RBM20: variants seen among roughly 807,000 people sequenced by gnomAD.
RBM20 encodes RNA binding motif protein 20.
In RBM20, 51 loss-of-function variants were observed where a neutral mutation model predicts 110.1. The observed-to-expected ratio is 0.46, with a 90% CI of 0.37 to 0.59. The LOEUF (loss-of-function observed/expected upper bound fraction) is 0.59, where lower values mean the gene tolerates loss of function less well. Among genes scored for constraint, RBM20 ranks in the 20% least tolerant of loss-of-function variants. The probability of loss-of-function intolerance (pLI) is 0.00; values close to 1 mark genes in which losing one functional copy is unlikely to be tolerated. For synonymous variants in RBM20, 589 were observed against 618.2 expected (o/e 0.95, Z 0.70); for missense variants, 1,512 against 1,574.9 (o/e 0.96, Z 0.68).
chr10:110,744,298 T>C (rs914860656), intron 1 of RBM20, among the ~76,000 whole-genome samples: 5 of 152,224 alleles, frequency 3.3e-5, no homozygotes, highest in African/African-American at 1.2e-4. Flanking sequence ...GTGACTCTCC[T>C]GGGGCCCTTG....
chr10:110,793,686 C>T (rs1018006163), intron 5 of RBM20, among the ~76,000 whole-genome samples: 2 of 152,204 alleles, frequency 1.3e-5, no homozygotes, highest in African/African-American at 4.8e-5. Flanking sequence ...AGCTTGGCTG[C>T]TGTGATTGGC....
chr10:110,821,783 G>C lies in RBM20; in HGVS notation c.3164G>C (p.Arg1055Thr), dbSNP rs1353580098. 6.4e-7 allele frequency: 1 copy of C among 1,551,652 alleles called. No homozygotes were observed. The highest frequency in any genetic ancestry group is 8.7e-7 in the Non-Finnish European group (1 of 1,147,022). ...TCTTCCCCTAAGCCAGCAGAGGAGA[G>C]GGCCCGGCAGCCAAGCCCATTTGTG... is the stretch of plus-strand genomic sequence containing the variant. ...QMSSPKPAEERARQPSPFVDD... is the reference protein window; with the variant it reads ...QMSSPKPAEETARQPSPFVDD... Residue 1055 changes from arginine (R) to threonine (T), a missense_variant, in exon 11 of 14, where the codon AGG (arginine) becomes ACG (threonine). Physicochemically the swap from Arg to Thr is moderately conservative, Grantham distance 71. Transcript: ENST00000369519.
intron 13 of RBM20, among the ~76,000 whole-genome samples, chr10:110,832,090 G>A (rs924475038): frequency 1.3e-5 from 2 of 152,050 alleles, no homozygotes; most frequent in African/African-American, 4.8e-5. Context: ...AATGAAATAT[G>A]GTAATATGTT....
chr10:110,802,363 C>T (rs1220502190), intron 7 of RBM20, among the ~76,000 whole-genome samples: 5 of 147,680 alleles, frequency 3.4e-5, no homozygotes, highest in Non-Finnish European at 7.4e-5. Context: ...ACTAACAGTT[C>T]TCCTTCAGGC....
At chr10:110,782,154 C>A (rs1007652627) in intron 2 of RBM20, among the ~76,000 whole-genome samples, 1 of 152,182 alleles carries the variant, frequency 6.6e-6, no homozygotes, top group African/African-American at 2.4e-5. Flanking sequence ...GAGCAAAGGA[C>A]CCCACCTGGG....
At position 110,679,133 on chromosome 10, in the gene RBM20, C is replaced by G. The variant is rs151188914; in HGVS notation, c.191+34488C>G. Among the ~76,000 whole-genome samples the G allele has an allele frequency of 8.5e-4, 130 of 152,338 alleles. 1 individual carries two copies. In the East Asian group the frequency reaches 0.025, roughly 29 times the overall value. On this transcript the variant is annotated intron_variant, in intron 1 of 13. Coordinates refer to ENST00000369519, the MANE Select transcript of RBM20 (RefSeq NM_001134363.3). Reference sequence around the variant, plus strand: ...TCCTGTCTTCCTCCCAAGGTTGGCACTAGGATGAAGGCTGTATAAAGTGAT... The same window carrying G: ...TCCTGTCTTCCTCCCAAGGTTGGCAGTAGGATGAAGGCTGTATAAAGTGAT...
chr10:110,835,774 G>A, intron 13 of RBM20, 94 bp from the exon 14 acceptor site: 1 of 1,295,330 alleles, frequency 7.7e-7, no homozygotes, highest in Non-Finnish European at 1.1e-6. Flanking sequence ...ACAGATGCCA[G>A]GAGAGGGATG....
intron 1 of RBM20, among the ~76,000 whole-genome samples, chr10:110,716,768 T>A (rs943769839): frequency 2.6e-5 from 4 of 151,388 alleles, no homozygotes; most frequent in South Asian, 2.1e-4. Context: ...AAAAAAAAAA[T>A]TAGCCAGGTG....
chr10:110,793,131 G>A (rs1170112060), intron 5 of RBM20, among the ~76,000 whole-genome samples: 1 of 152,132 alleles, frequency 6.6e-6, no homozygotes, highest in Non-Finnish European at 1.5e-5. Context: ...TTCCAGACGT[G>A]GGGAAACTAA....
chr10:110,824,547 CAG>C lies in RBM20; in HGVS notation c.3451+934_3451+935del, dbSNP rs1157474392. On this transcript the variant is annotated intron_variant, in intron 12 of 13. Coordinates refer to ENST00000369519, the MANE Select transcript of RBM20 (RefSeq NM_001134363.3). ...CTTAGTTTCCTCTCTGTAATTTAGA[CAG>C]CGATTTTTTCAATGGTGGAAGTGTT... Among the ~76,000 whole-genome samples, 5 of 152,064 alleles carry C rather than the reference CAG, an allele frequency of 3.3e-5. No individual in the cohort carries two copies. In the South Asian group the frequency reaches 8.3e-4, roughly 25 times the overall value.
intron 1 of RBM20, among the ~76,000 whole-genome samples, chr10:110,646,105 C>T (rs890818341): frequency 2.0e-5 from 3 of 152,130 alleles, no homozygotes; most frequent in African/African-American, 7.2e-5. Context: ...TGATGTGCTT[C>T]GTACGGAGCC....
intron 8 of RBM20, among the ~76,000 whole-genome samples, 173 bp downstream of exon 8, chr10:110,810,635 G>T (rs960199988): frequency 6.6e-6 from 1 of 152,164 alleles, no homozygotes; most frequent in Non-Finnish European, 1.5e-5. Flanking sequence ...CACCAGTCCA[G>T]TTCAGACATG....
chr10:110,775,385 A>G (rs1844248177), intron 1 of RBM20, among the ~76,000 whole-genome samples: 1 of 152,198 alleles, frequency 6.6e-6, no homozygotes, highest in Non-Finnish European at 1.5e-5. Flanking sequence ...TTTAGGCACT[A>G]CCATGCTCTG....
intron 1 of RBM20, among the ~76,000 whole-genome samples, chr10:110,681,940 A>C (rs192219101): frequency 6.6e-6 from 1 of 151,378 alleles, no homozygotes; most frequent in African/African-American, 2.4e-5. Context: ...CTCAGGTTGC[A>C]GTGCAATGGC....
chr10:110,797,287 G>A (rs955549458), intron 5 of RBM20, among the ~76,000 whole-genome samples: 3 of 151,516 alleles, frequency 2.0e-5, no homozygotes, highest in East Asian at 1.9e-4. Flanking sequence ...AGTGAGACCC[G>A]GTCTCAAAAA....
intron 1 of RBM20, among the ~76,000 whole-genome samples, chr10:110,690,983 C>T (rs1283293967): frequency 6.6e-6 from 1 of 152,164 alleles, no homozygotes; most frequent in Non-Finnish European, 1.5e-5. Context: ...TTTATGTCCC[C>T]TCAAAATTCA....
intron 1 of RBM20, among the ~76,000 whole-genome samples, chr10:110,682,666 AG>A (rs1394516410): frequency 6.6e-6 from 1 of 152,212 alleles, no homozygotes; most frequent in African/African-American, 2.4e-5. Flanking sequence ...ATTCCCAAAG[AG>A]GGGATGTGCC....
chr10:110,647,274 TTTTG>T (rs1402645624), intron 1 of RBM20, among the ~76,000 whole-genome samples: 1 of 152,172 alleles, frequency 6.6e-6, no homozygotes, highest in Non-Finnish European at 1.5e-5. Context: ...ATGAGACTGA[TTTTG>T]TTTGTTTTAT....
intron 9 of RBM20, among the ~76,000 whole-genome samples, chr10:110,813,518 A>C (rs112713537): frequency 3.9e-5 from 6 of 152,250 alleles, no homozygotes; most frequent in African/African-American, 1.4e-4. Context: ...AGCTGTCCAC[A>C]GTGTTTTACC....
Sources: gnomAD v4.1 joint callset for allele counts (sites outside exome capture counted in the v4.1 genomes callset) on GRCh38, gnomAD v4.1.1 for gene constraint, MANE v1.5 for transcripts, NCBI Gene and HGNC (gene_info 2026-07-23, HGNC 2026-07-21) for gene names.